DNAH14: variants seen among roughly 807,000 people sequenced by gnomAD.
DNAH14 encodes the protein axonemal beta dynein heavy chain 14.
DNAH14 carries 478 observed loss-of-function variants against 520.9 expected under a neutral mutation model. The observed-to-expected ratio is 0.92, with a 90% CI of 0.85 to 0.99. DNAH14 has a LOEUF of 0.99. DNAH14 is among the 50% of genes least tolerant of loss of function. The pLI is 0.00. For synonymous variants in DNAH14, 1,581 were observed against 1,757.2 expected (o/e 0.90, Z 2.51); for missense variants, 4,831 against 5,234.5 (o/e 0.92, Z 2.38).
rs1463396541 is a variant in DNAH14, at chr1:225,265,273, T to C, written c.7314T>C (p.Phe2438=). ...HKGVVVSTIN[F]STNVTAAKTK... is the part of the protein sequence containing the mutation. ...GAGTTGTAGTCTCTACAATAAATTT[T>C]AGCACCAATGTAACAGCTGCCAAAA... The change falls in exon 48 of 86, where the codon TTT becomes TTC. Residue 2438 remains phenylalanine, a synonymous_variant. Coordinates refer to ENST00000682510, the MANE Select transcript of DNAH14 (RefSeq NM_001367479.1). The C allele has an allele frequency of 1.3e-6, 2 of 1,544,280 alleles. No individual in the cohort carries two copies. Among genetic ancestry groups the C allele is most frequent in the East Asian group, 4.9e-5 (2 of 40,746 alleles).
At chr1:224,946,459 C>T (rs973608353) in intron 1 of DNAH14, among the ~76,000 whole-genome samples, 11 of 152,052 alleles carry the variant, frequency 7.2e-5, no homozygotes, top group South Asian at 2.1e-4. Context: ...GGCTCACGCT[C>T]GGTGTGCTGC....
intron 1 of DNAH14, among the ~76,000 whole-genome samples, chr1:224,933,702 T>G (rs570986950): frequency 6.6e-6 from 1 of 152,148 alleles, no homozygotes; most frequent in Non-Finnish European, 1.5e-5. Flanking sequence ...GCTTTTGTCC[T>G]TCATTCTATG....
At position 225,043,143 on chromosome 1, in the gene DNAH14, G is replaced by A. The variant is rs1458863462; in HGVS notation, c.1768+29G>A. 3.3e-6 allele frequency: 5 copies of A among 1,525,864 alleles called. No homozygotes were observed. In the South Asian group the frequency reaches 3.8e-5, roughly 12 times the overall value. 94.5% of individuals were successfully genotyped at this position (1,525,864 alleles called of 1,614,324 possible). A position where few individuals can be genotyped will look rare whatever the true frequency, so the allele number is the denominator to read the frequency against. On this transcript the variant is annotated intron_variant, in intron 13 of 85. Transcript: ENST00000682510. Reference sequence around the variant, plus strand: ...AGACAATTGAGACTATAAAGAATGAGGGGTTGCCAGGTGTGGTGGCTCATG... The same window carrying A: ...AGACAATTGAGACTATAAAGAATGAAGGGTTGCCAGGTGTGGTGGCTCATG...
intron 8 of DNAH14, among the ~76,000 whole-genome samples, chr1:224,996,268 C>T (rs981715450): frequency 3.3e-5 from 5 of 152,040 alleles, no homozygotes; most frequent in Non-Finnish European, 7.4e-5. Flanking sequence ...AGCAATCCTC[C>T]TCACCTTCCT....
rs551008305 is a variant in DNAH14, at chr1:225,233,862, G to A, written c.6518+2711G>A. On this transcript the variant is annotated intron_variant, in intron 42 of 85. Transcript: ENST00000682510. ...AATTTTTGTCATAAAATTTTTGCCC[G>A]TGCCTATATTCTGAATGGTATTTGC... Among the ~76,000 whole-genome samples, 100 of 152,148 alleles carry A rather than the reference G, an allele frequency of 6.6e-4. 1 individual carries two copies. The highest frequency in any genetic ancestry group is 2.1e-3 in the Admixed American group (32 of 15,276).
At chr1:225,284,319 T>G (rs1048892668) in intron 54 of DNAH14, among the ~76,000 whole-genome samples, 1 of 151,938 alleles carries the variant, frequency 6.6e-6, no homozygotes, top group Admixed American at 6.6e-5. Context: ...GAGGGAATAT[T>G]ACTATCAATA....
intron 48 of DNAH14, among the ~76,000 whole-genome samples, chr1:225,266,274 G>C (rs1300551985): frequency 6.6e-6 from 1 of 152,064 alleles, no homozygotes; most frequent in Non-Finnish European, 1.5e-5. Flanking sequence ...CCAATAGTAG[G>C]CACTCAGTAA....
chr1:225,335,044 A>G (rs1436331661), intron 66 of DNAH14, among the ~76,000 whole-genome samples: 1 of 148,982 alleles, frequency 6.7e-6, no homozygotes, highest in Admixed American at 6.7e-5. Context: ...ATATACACAT[A>G]TATACATATG....
intron 17 of DNAH14, among the ~76,000 whole-genome samples, chr1:225,059,585 ATTT>A (rs1410692821): frequency 6.6e-6 from 1 of 152,176 alleles, no homozygotes; most frequent in Non-Finnish European, 1.5e-5. Context: ...TTAGCTGGTT[ATTT>A]TGCTCTTTAG....
intron 38 of DNAH14, among the ~76,000 whole-genome samples, chr1:225,197,915 A>T (rs1194639560): frequency 6.6e-6 from 1 of 152,140 alleles, no homozygotes; most frequent in Admixed American, 6.5e-5. Context: ...GAATACTTTT[A>T]TCATTTCTAG....
At chr1:224,973,510 G>T (rs986321114) in intron 7 of DNAH14, among the ~76,000 whole-genome samples, 2 of 152,176 alleles carry the variant, frequency 1.3e-5, no homozygotes, top group Admixed American at 1.3e-4. Context: ...AGAGAGCTTT[G>T]CAGAAACAGT....
At chr1:225,030,985 T>G (rs1173646446) in intron 11 of DNAH14, among the ~76,000 whole-genome samples, 2 of 152,058 alleles carry the variant, frequency 1.3e-5, no homozygotes. Context: ...ATCTTAACAA[T>G]ATTCAGTCTT....
intron 41 of DNAH14, among the ~76,000 whole-genome samples, chr1:225,210,762 C>T (rs1267464040): frequency 6.6e-6 from 1 of 152,186 alleles, no homozygotes; most frequent in Non-Finnish European, 1.5e-5. Context: ...CCCCAGCTGG[C>T]ATCTGGTGGG....
chr1:225,364,368 A>G (rs2095527761), intron 75 of DNAH14, among the ~76,000 whole-genome samples: 2 of 152,178 alleles, frequency 1.3e-5, no homozygotes, highest in South Asian at 4.1e-4. Flanking sequence ...GTTCTCCTAT[A>G]CAGGAAGAGC....
chr1:224,965,300 T>A (rs2125587501), intron 5 of DNAH14, among the ~76,000 whole-genome samples: 1 of 152,212 alleles, frequency 6.6e-6, no homozygotes, highest in Middle Eastern at 3.4e-3. Context: ...CACATTCTCA[T>A]CTGCACCCTA....
chr1:225,324,404 T>C, intron 63 of DNAH14, 51 bp downstream of exon 63: 3 of 1,531,456 alleles, frequency 2.0e-6, no homozygotes, highest in South Asian at 2.5e-5. Context: ...GGCACATCAA[T>C]GTCCCAGAAA....
In DNAH14 at chr1:225,159,449, A is replaced by G; in HGVS notation, c.5409A>G (p.Glu1803=). 6.5e-7 allele frequency: 1 copy of G among 1,539,228 alleles called. No individual in the cohort carries two copies. Among genetic ancestry groups the G allele is most frequent in the Non-Finnish European group, 8.8e-7 (1 of 1,142,560 alleles). ...ATATTATAGGAGATATTTTTCCAGA[A>G]GTGACAGTTTTGAAAGTAAATCAAC... The part of the protein sequence containing the change: ...FENIIGDIFP[E]VTVLKVNQLA... The change falls in exon 35 of 86, where the codon GAA becomes GAG. Residue 1803 remains glutamate (E), a synonymous_variant. Transcript: ENST00000682510.
At chr1:225,009,476 G>A (rs2064499943) in intron 10 of DNAH14, among the ~76,000 whole-genome samples, 1 of 152,018 alleles carries the variant, frequency 6.6e-6, no homozygotes, top group Admixed American at 6.6e-5. Context: ...ATCTGTTTTG[G>A]TACCAGTACC....
intron 17 of DNAH14, among the ~76,000 whole-genome samples, chr1:225,052,444 C>T (rs955733132): frequency 1.3e-5 from 2 of 152,142 alleles, no homozygotes; most frequent in Non-Finnish European, 2.9e-5. Context: ...TCAGTTGTAC[C>T]TCAGACCTGT....
Sources: gnomAD v4.1 joint callset for allele counts (sites outside exome capture counted in the v4.1 genomes callset) on GRCh38, gnomAD v4.1.1 for gene constraint, MANE v1.5 for transcripts, NCBI Gene and HGNC (gene_info 2026-07-23, HGNC 2026-07-21) for gene names.